Variants in PLPPR1 observed in about 807,000 individuals in gnomAD.
The protein encoded by PLPPR1 is phospholipid phosphatase related 1.
PLPPR1 carries 10 observed loss-of-function variants against 33.1 expected under a neutral mutation model. The ratio of observed to expected loss-of-function variants is 0.30; its 90% confidence interval spans 0.19 to 0.51. The LOEUF is 0.51. Among genes scored for constraint, PLPPR1 ranks in the 20% least tolerant of loss-of-function variants. PLPPR1 has a pLI of 0.97. For synonymous variants in PLPPR1, 151 were observed against 151.0 expected, an observed-to-expected ratio of 1.00 and a Z score of 0.00; for missense variants, 304 against 408.1, an observed-to-expected ratio of 0.74 and a Z score of 2.20.
At chr9:101,202,436 G>A (rs1826511823) in intron 2 of PLPPR1, among the ~76,000 whole-genome samples, 1 of 152,116 alleles carries the variant, frequency 6.6e-6, no homozygotes, top group African/African-American at 2.4e-5. Flanking sequence ...ATCCCTCCCT[G>A]GCCTCAACCT....
At chr9:101,031,014 G>A (rs530420167) in intron 1 of PLPPR1, among the ~76,000 whole-genome samples, 1 of 152,184 alleles carries the variant, frequency 6.6e-6, no homozygotes, top group East Asian at 1.9e-4. Context: ...TCGCTTTTAT[G>A]ATTTTAAAGG....
At chr9:101,089,493 T>TA (rs1337503564) in intron 1 of PLPPR1, among the ~76,000 whole-genome samples, 8 of 152,308 alleles carry the variant, frequency 5.3e-5, no homozygotes, top group Non-Finnish European at 1.2e-4. Context: ...CGCTTTCCTT[T>TA]AATGCTTGTC....
At chr9:101,197,221 T>C (rs1290677058) in intron 2 of PLPPR1, among the ~76,000 whole-genome samples, 2 of 152,136 alleles carry the variant, frequency 1.3e-5, no homozygotes, top group East Asian at 1.9e-4. Context: ...AAAGAAACCA[T>C]GTAAAGTTGC....
chr9:101,319,940 C>G (rs563238858), intron 7 of PLPPR1, among the ~76,000 whole-genome samples: 1 of 152,296 alleles, frequency 6.6e-6, no homozygotes, highest in East Asian at 1.9e-4. Flanking sequence ...TTCCACCCAG[C>G]ACTGCTCAAG....
At chr9:101,186,356 A>G (rs554047059) in intron 2 of PLPPR1, among the ~76,000 whole-genome samples, 2 of 151,910 alleles carry the variant, frequency 1.3e-5, no homozygotes, top group East Asian at 1.9e-4. Flanking sequence ...GATCAGACCT[A>G]AAATATGACA....
At chr9:101,295,183 A>G (rs565535510) in intron 4 of PLPPR1, among the ~76,000 whole-genome samples, 88 of 151,990 alleles carry the variant, frequency 5.8e-4, no homozygotes, top group African/African-American at 2.0e-3. Context: ...CCAAATCATG[A>G]GTGAACTCCC....
At position 101,072,948 on chromosome 9, in the gene PLPPR1, A is replaced by C. The variant is rs73656138; in HGVS notation, c.-46+43846A>C. Among the ~76,000 whole-genome samples, 700 of 152,316 alleles carry C rather than the reference A, an allele frequency of 4.6e-3. 8 individuals are homozygous for C. Among genetic ancestry groups the C allele is most frequent in the African/African-American group, 0.015 (632 of 41,572 alleles). On this transcript the variant is annotated intron_variant, in intron 1 of 7. Coordinates refer to ENST00000374874, the MANE Select transcript of PLPPR1 (RefSeq NM_207299.2). ...CTATTCATGAAAACTTTAAGAAAGC[A>C]TGTGTCCAGATTTGTGATGTTTAGG...
At chr9:101,117,689 A>T (rs953395448) in intron 1 of PLPPR1, among the ~76,000 whole-genome samples, 2 of 152,088 alleles carry the variant, frequency 1.3e-5, no homozygotes, top group African/African-American at 4.8e-5. Context: ...AGGCTCTGAA[A>T]TCACACATGT....
intron 1 of PLPPR1, among the ~76,000 whole-genome samples, chr9:101,159,231 A>G (rs1421475476): frequency 6.6e-6 from 1 of 152,206 alleles, no homozygotes; most frequent in Non-Finnish European, 1.5e-5. Flanking sequence ...TATCCTTAGG[A>G]AAAGTCATCA....
chr9:101,098,726 C>A (rs4743440), intron 1 of PLPPR1, among the ~76,000 whole-genome samples: 64,084 of 151,534 alleles, frequency 0.42, 13,740 homozygotes, highest in Non-Finnish European at 0.47. Flanking sequence ...TGTCAAGGAT[C>A]AAGTGTGTGG....
chr9:101,041,546 T>C (rs1381726244), intron 1 of PLPPR1, among the ~76,000 whole-genome samples: 1 of 152,186 alleles, frequency 6.6e-6, no homozygotes, highest in Non-Finnish European at 1.5e-5. Context: ...TTGGGATCTT[T>C]AAGTGTGAAT....
chr9:101,059,252 A>T (rs1830314005), intron 1 of PLPPR1, among the ~76,000 whole-genome samples: 1 of 152,110 alleles, frequency 6.6e-6, no homozygotes, highest in Non-Finnish European at 1.5e-5. Flanking sequence ...GTTTATACAC[A>T]CTCAAGAAGG....
chr9:101,063,117 A>G (rs567266004), intron 1 of PLPPR1, among the ~76,000 whole-genome samples: 124 of 152,108 alleles, frequency 8.2e-4, no homozygotes, highest in Non-Finnish European at 1.4e-3. Context: ...TAAAACATAT[A>G]AAGTGTTTAT....
chr9:101,143,369 A>C (rs1026417552), intron 1 of PLPPR1, among the ~76,000 whole-genome samples: 2 of 152,216 alleles, frequency 1.3e-5, no homozygotes, highest in South Asian at 2.1e-4. Flanking sequence ...TCTTTCCTCC[A>C]GTTCATATAT....
chr9:101,192,071 G>A (rs1826305497), intron 2 of PLPPR1, among the ~76,000 whole-genome samples: 1 of 152,102 alleles, frequency 6.6e-6, no homozygotes, highest in African/African-American at 2.4e-5. Context: ...GTCTTTCTCT[G>A]GGGCCAGAAC....
At chr9:101,304,361 A>T (rs1389552211) in intron 4 of PLPPR1, among the ~76,000 whole-genome samples, 3 of 152,200 alleles carry the variant, frequency 2.0e-5, no homozygotes, top group Non-Finnish European at 4.4e-5. Flanking sequence ...TCATTCATTG[A>T]TCCCACAATT....
At chr9:101,159,902 A>G (rs1831750979) in intron 1 of PLPPR1, among the ~76,000 whole-genome samples, 1 of 152,186 alleles carries the variant, frequency 6.6e-6, no homozygotes, top group Admixed American at 6.5e-5. Context: ...TTAGAGCTGG[A>G]TGCTTAAGTC....
At chr9:101,131,992 G>C (rs762247486) in intron 1 of PLPPR1, among the ~76,000 whole-genome samples, 1 of 152,214 alleles carries the variant, frequency 6.6e-6, no homozygotes, top group Non-Finnish European at 1.5e-5. Context: ...ACAGTATCTG[G>C]CTTATAGCAA....
At chr9:101,192,952 T>C (rs1428928610) in intron 2 of PLPPR1, among the ~76,000 whole-genome samples, 1 of 152,218 alleles carries the variant, frequency 6.6e-6, no homozygotes, top group Non-Finnish European at 1.5e-5. Context: ...CAAGTATCTA[T>C]TTTTCATGGT....
Sources: allele counts gnomAD v4.1 joint callset (sites outside exome capture counted in the v4.1 genomes callset), GRCh38; gene constraint gnomAD v4.1.1; transcripts MANE v1.5; gene names NCBI Gene and HGNC (gene_info 2026-07-23, HGNC 2026-07-21).